Variants in NELL2 observed in about 807,000 individuals in gnomAD.
The protein encoded by NELL2 is protein kinase C-binding protein NELL2.
In NELL2, 41 loss-of-function variants were observed where a neutral mutation model predicts 109.6. That is an observed-to-expected ratio of 0.37 (90% CI 0.29 to 0.49). NELL2 has a LOEUF of 0.49. Ranked by LOEUF, NELL2 falls within the 20% of genes least tolerant of loss-of-function variation. The pLI, the probability that NELL2 is intolerant of heterozygous loss-of-function variation, is 0.98. For missense variants in NELL2, 900 were observed against 1,008.3 expected (o/e 0.89, Z 1.45); for synonymous variants, 355 against 344.7 (o/e 1.03, Z -0.33).
intron 3 of NELL2, among the ~76,000 whole-genome samples, chr12:44,787,194 A>G (rs1942210429): frequency 6.6e-6 from 1 of 152,142 alleles, no homozygotes; most frequent in Non-Finnish European, 1.5e-5. Context: ...AAAATTTAAA[A>G]CTACTTAGGT....
intron 9 of NELL2, among the ~76,000 whole-genome samples, chr12:44,753,553 G>T (rs552628267): frequency 6.6e-6 from 1 of 152,312 alleles, no homozygotes; most frequent in South Asian, 2.1e-4. Context: ...GAGTAGGTCA[G>T]TGAAATGCCA....
At chr12:44,764,479 CAT>C (rs1321356346) in intron 9 of NELL2, among the ~76,000 whole-genome samples, 1 of 152,134 alleles carries the variant, frequency 6.6e-6, no homozygotes, top group African/African-American at 2.4e-5. Flanking sequence ...ATTATAAAAT[CAT>C]ATTTCCTAAG....
chr12:44,726,997 T>C (rs1939116125), intron 9 of NELL2, among the ~76,000 whole-genome samples: 1 of 152,124 alleles, frequency 6.6e-6, no homozygotes, highest in Non-Finnish European at 1.5e-5. Flanking sequence ...TGAATGTTTG[T>C]CAAATCACCT....
upstream of NELL2, among the ~76,000 whole-genome samples, chr12:44,878,476 G>A (rs912174898): frequency 6.6e-6 from 1 of 152,168 alleles, no homozygotes; most frequent in Admixed American, 6.5e-5. Context: ...CTAACATTTT[G>A]GGGCTGGATA....
chr12:44,740,158 C>T (rs1050077742), intron 9 of NELL2, among the ~76,000 whole-genome samples: 2 of 152,098 alleles, frequency 1.3e-5, no homozygotes, highest in Admixed American at 6.5e-5. Flanking sequence ...GAGTTATGGG[C>T]GTGTGACCCA....
chr12:44,508,609 C>T lies in NELL2; in HGVS notation c.*325G>A. The T allele has an allele frequency of 4.9e-6, 1 of 206,086 alleles. No homozygotes were observed. The highest frequency in any genetic ancestry group is 9.7e-6 in the Non-Finnish European group (1 of 103,266). 12.8% of individuals were successfully genotyped at this position (206,086 alleles called of 1,614,324 possible). ...TGATCTAGAGGAAAATTTTCTGCAC[C>T]AGTGAAGCTAGAGGCTTTCACAGAT... On this transcript the variant is annotated 3_prime_UTR_variant, in exon 20 of 20. Transcript: ENST00000429094.
At chr12:44,857,470 C>T (rs775499271) in intron 2 of NELL2, among the ~76,000 whole-genome samples, 7 of 152,108 alleles carry the variant, frequency 4.6e-5, no homozygotes, top group Non-Finnish European at 5.9e-5. Context: ...GATCCGTCAA[C>T]ATTCCACCGG....
chr12:44,855,907 A>G (rs2136791144), intron 2 of NELL2, among the ~76,000 whole-genome samples: 1 of 152,296 alleles, frequency 6.6e-6, no homozygotes, highest in Middle Eastern at 3.4e-3. Context: ...CCACCCTCTT[A>G]CCTTTCCTTA....
chr12:44,770,340 C>G lies in NELL2; in HGVS notation c.994+4407G>C, dbSNP rs552471019. On this transcript the variant is annotated intron_variant, in intron 9 of 19. Transcript: ENST00000429094. Reference sequence around the variant, plus strand: ...TTACACAGCCCCTATAAAGTAGATACAATTGTTATTTCCATTATACATATG... The same window carrying G: ...TTACACAGCCCCTATAAAGTAGATAGAATTGTTATTTCCATTATACATATG... Among the ~76,000 whole-genome samples, 1,059 of 152,192 alleles carry G rather than the reference C, an allele frequency of 7.0e-3. 9 individuals carry two copies. Among genetic ancestry groups the G allele is most frequent in the Non-Finnish European group, 0.012 (789 of 68,004 alleles).
chr12:44,917,055 A>G (rs2136897823), upstream of NELL2, among the ~76,000 whole-genome samples: 1 of 152,278 alleles, frequency 6.6e-6, no homozygotes, highest in African/African-American at 2.4e-5. Flanking sequence ...CCTATCCCAC[A>G]GAGACTCTCG....
rs1943036851 is a variant in NELL2 at position 44,807,364 on chromosome 12, T to C, written c.335+8622A>G. Among the ~76,000 whole-genome samples, 5 of 150,684 alleles carry C rather than the reference T, an allele frequency of 3.3e-5. No individual in the cohort carries two copies. In the South Asian group the frequency reaches 8.4e-4, roughly 25 times the overall value. ...ACACACACACACACACACGCATGCA[T>C]GCAGAAAGAATTCTGGACCAATGAC... On this transcript the variant is annotated intron_variant, in intron 3 of 19. Coordinates refer to ENST00000429094, the MANE Select transcript of NELL2 (RefSeq NM_001145108.2).
intron 15 of NELL2, among the ~76,000 whole-genome samples, chr12:44,573,362 G>A (rs1348328577): frequency 6.6e-6 from 1 of 152,128 alleles, no homozygotes; most frequent in Non-Finnish European, 1.5e-5. Context: ...GAAAACAATA[G>A]AAGACAATCA....
In NELL2 at chr12:44,777,100, T is replaced by C. The variant is rs760901941; in HGVS notation, c.704A>G (p.His235Arg). ...NRTCPTCNDF[H>R]GLVQKIMELQ... ...CTCCATGATTTTCTGCACAAGTCCA[T>C]GGAAGTCATTGCAAGTTGGACAGGC... Residue 235 changes from histidine to arginine, a missense_variant, in exon 7 of 20, where the codon CAT becomes CGT. Transcript: ENST00000429094. 3 of 1,613,930 alleles carry C rather than the reference T, an allele frequency of 1.9e-6. No homozygotes were observed. Among genetic ancestry groups the C allele is most frequent in the East Asian group, 2.2e-5 (1 of 44,870 alleles).
chr12:44,566,369 T>C (rs1487153007), intron 15 of NELL2, among the ~76,000 whole-genome samples: 2 of 152,054 alleles, frequency 1.3e-5, no homozygotes, highest in East Asian at 1.9e-4. Context: ...CATTCACCTA[T>C]ACCTCTAAAT....
intron 15 of NELL2, among the ~76,000 whole-genome samples, chr12:44,592,708 A>T (rs1392158268): frequency 1.3e-5 from 2 of 152,200 alleles, no homozygotes; most frequent in Non-Finnish European, 2.9e-5. Context: ...CAGGAAAAAA[A>T]TATTACCAAG....
intron 3 of NELL2, among the ~76,000 whole-genome samples, chr12:44,812,509 A>G (rs1439185236): frequency 6.6e-6 from 1 of 152,178 alleles, no homozygotes; most frequent in Non-Finnish European, 1.5e-5. Context: ...TCTGATTTGT[A>G]TATGTTTCAT....
intron 3 of NELL2, among the ~76,000 whole-genome samples, chr12:44,781,775 G>A (rs1357305193): frequency 3.9e-5 from 6 of 151,974 alleles, no homozygotes; most frequent in Admixed American, 6.6e-5. Context: ...AAAAAGAGCT[G>A]TACACGTAGA....
intron 3 of NELL2, among the ~76,000 whole-genome samples, chr12:44,813,643 C>T (rs570009932): frequency 3.3e-5 from 5 of 152,096 alleles, no homozygotes; most frequent in East Asian, 3.9e-4. Flanking sequence ...CAAAATATGG[C>T]GTATCAATAC....
At chr12:44,621,672 T>C (rs1261528030) in intron 13 of NELL2, among the ~76,000 whole-genome samples, 1 of 151,414 alleles carries the variant, frequency 6.6e-6, no homozygotes, top group African/African-American at 2.5e-5. Flanking sequence ...TTCACGTGGA[T>C]TTACTCATTG....
Sources: gnomAD v4.1 joint callset for allele counts (sites outside exome capture counted in the v4.1 genomes callset) on GRCh38, gnomAD v4.1.1 for gene constraint, MANE v1.5 for transcripts, NCBI Gene and HGNC (gene_info 2026-07-23, HGNC 2026-07-21) for gene names.